Variants in ZBTB20 observed in about 807,000 individuals in gnomAD.
ZBTB20 encodes the protein zinc finger and BTB domain containing 20, also known as zinc finger and BTB domain-containing protein 20.
In ZBTB20, 9 loss-of-function variants were observed where a neutral mutation model predicts 56.9. The observed-to-expected ratio is 0.16, with a 90% CI of 0.10 to 0.28. The LOEUF is 0.28. ZBTB20 is among the 10% of genes least tolerant of loss of function. The probability of loss-of-function intolerance (pLI) is 1.00; values close to 1 mark genes in which losing one functional copy is unlikely to be tolerated. For missense variants in ZBTB20, 655 were observed against 1,003.0 expected (o/e 0.65, Z 4.69); for synonymous variants, 417 against 420.7 (o/e 0.99, Z 0.11).
chr3:115,063,175 C>CA (rs2082074250), intron 2 of ZBTB20, among the ~76,000 whole-genome samples: 1 of 152,152 alleles, frequency 6.6e-6, no homozygotes, highest in Non-Finnish European at 1.5e-5. Flanking sequence ...AAAATATATA[C>CA]ACTTCATCAT....
intron 6 of ZBTB20, among the ~76,000 whole-genome samples, chr3:114,553,230 T>G (rs1483588658): frequency 6.6e-6 from 1 of 152,208 alleles, no homozygotes; most frequent in Non-Finnish European, 1.5e-5. Context: ...TATAAATGTA[T>G]GATGTGGTAC....
intron 5 of ZBTB20, among the ~76,000 whole-genome samples, chr3:114,754,769 C>T (rs2067874170): frequency 6.6e-6 from 1 of 151,956 alleles, no homozygotes; most frequent in Non-Finnish European, 1.5e-5. Flanking sequence ...TGAGATATGG[C>T]TTAAAGGGGT....
chr3:114,725,235 C>T (rs2065186810), intron 5 of ZBTB20, among the ~76,000 whole-genome samples: 1 of 152,142 alleles, frequency 6.6e-6, no homozygotes, highest in Admixed American at 6.5e-5. Context: ...TATTTATGCA[C>T]ACAGAGTTAA....
chr3:114,934,726 G>C (rs934859109), intron 3 of ZBTB20, among the ~76,000 whole-genome samples: 4 of 151,844 alleles, frequency 2.6e-5, no homozygotes, highest in Admixed American at 2.0e-4. Context: ...AAAATAACAC[G>C]TCAAAATGCA....
chr3:114,515,943 C>T (rs181702751), intron 6 of ZBTB20, among the ~76,000 whole-genome samples: 2 of 152,206 alleles, frequency 1.3e-5, no homozygotes, highest in Admixed American at 1.3e-4. Context: ...GCTTCCTAAG[C>T]TCCCGTTTAT....
intron 11 of ZBTB20, among the ~76,000 whole-genome samples, chr3:114,348,598 G>A (rs1560107921): frequency 1.3e-5 from 2 of 152,150 alleles, no homozygotes; most frequent in Admixed American, 1.3e-4. Flanking sequence ...TTTAAAAACT[G>A]ATTCTCATAA....
intron 6 of ZBTB20, among the ~76,000 whole-genome samples, chr3:114,616,746 G>C (rs2057973106): frequency 6.6e-6 from 1 of 152,160 alleles, no homozygotes; most frequent in Non-Finnish European, 1.5e-5. Context: ...CCAACTGCCA[G>C]TCTGGATGCT....
At chr3:114,506,696 G>A (rs1027492563) in intron 6 of ZBTB20, among the ~76,000 whole-genome samples, 3 of 152,140 alleles carry the variant, frequency 2.0e-5, no homozygotes, top group Non-Finnish European at 4.4e-5. Context: ...CTTAAGGGAT[G>A]CTGAAAAGGT....
intron 1 of ZBTB20, among the ~76,000 whole-genome samples, chr3:115,140,919 G>T (rs1054024243): frequency 2.0e-5 from 3 of 152,036 alleles, no homozygotes; most frequent in Non-Finnish European, 4.4e-5. Context: ...GTAAAGACAG[G>T]CTGGCTGCTT....
chr3:114,907,683 C>A (rs1270562539), intron 3 of ZBTB20, among the ~76,000 whole-genome samples: 2 of 151,848 alleles, frequency 1.3e-5, no homozygotes, highest in African/African-American at 2.4e-5. Flanking sequence ...TTTGTCATCA[C>A]CACCTAGTTC....
chr3:114,858,753 A>G (rs934097698), intron 4 of ZBTB20, among the ~76,000 whole-genome samples: 1 of 152,198 alleles, frequency 6.6e-6, no homozygotes, highest in African/African-American at 2.4e-5. Context: ...CATTAAAGTA[A>G]AAGAGACTTC....
chr3:114,340,248 C>T (rs928614432), intron 11 of ZBTB20, among the ~76,000 whole-genome samples: 4 of 151,974 alleles, frequency 2.6e-5, no homozygotes, highest in African/African-American at 7.3e-5. Context: ...GGTATACAGT[C>T]CTACTTACCT....
intron 6 of ZBTB20, among the ~76,000 whole-genome samples, chr3:114,591,002 T>C (rs1577807716): frequency 6.6e-6 from 1 of 152,216 alleles, no homozygotes; most frequent in East Asian, 1.9e-4. Context: ...CAGACCTCAG[T>C]GAAGAAAAGA....
chr3:114,337,811 A>T lies in ZBTB20; in HGVS notation c.*1194T>A, dbSNP rs1005865784. On this transcript the variant is annotated 3_prime_UTR_variant, in exon 12 of 12. Transcript: ENST00000675478. ...CCTTAACAGTCTTGACTTACCAAAAAATATATATATGTGTGTGAAATAAAA... is the reference window on the plus strand; with the variant it reads ...CCTTAACAGTCTTGACTTACCAAAATATATATATATGTGTGTGAAATAAAA... 1.3e-5 allele frequency: 2 copies of T among 152,108 alleles called. No individual in the cohort carries two copies. The highest frequency in any genetic ancestry group is 4.8e-5 in the African/African-American group (2 of 41,434). The allele number at this position is 152,108 out of a possible 1,614,324, so 9.4% of individuals were successfully genotyped here.
intron 7 of ZBTB20, among the ~76,000 whole-genome samples, chr3:114,466,689 A>C (rs2092567830): frequency 6.6e-6 from 1 of 152,246 alleles, no homozygotes; most frequent in African/African-American, 2.4e-5. Context: ...ACACATGTGC[A>C]ATGCGCAACC....
chr3:114,869,605 G>A (rs984691624), intron 4 of ZBTB20, among the ~76,000 whole-genome samples: 4 of 151,964 alleles, frequency 2.6e-5, no homozygotes, highest in South Asian at 2.1e-4. Flanking sequence ...AAAGCCTACC[G>A]TGTTAATAAC....
chr3:114,742,340 T>C (rs2066667259), intron 5 of ZBTB20, among the ~76,000 whole-genome samples: 1 of 152,154 alleles, frequency 6.6e-6, no homozygotes, highest in African/African-American at 2.4e-5. Context: ...GGTAGGATAC[T>C]GTGGATATGG....
intron 6 of ZBTB20, among the ~76,000 whole-genome samples, chr3:114,532,906 T>G (rs1164218851): frequency 1.3e-5 from 2 of 152,064 alleles, no homozygotes; most frequent in Non-Finnish European, 2.9e-5. Context: ...TGCCAGACTG[T>G]TAGAAGGAAA....
intron 3 of ZBTB20, among the ~76,000 whole-genome samples, chr3:114,919,629 C>G (rs544702881): frequency 1.3e-5 from 2 of 151,534 alleles, no homozygotes; most frequent in Non-Finnish European, 2.9e-5. Context: ...CACTTGAACC[C>G]GGGAGGCAGA....
Sources: allele counts gnomAD v4.1 joint callset (sites outside exome capture counted in the v4.1 genomes callset), GRCh38; gene constraint gnomAD v4.1.1; transcripts MANE v1.5; gene names NCBI Gene and HGNC (gene_info 2026-07-23, HGNC 2026-07-21).